Variants in AHCTF1 observed in about 807,000 individuals in gnomAD.
AHCTF1 encodes AT-hook containing transcription factor 1, also known as protein ELYS.
Under a neutral mutation model 248.4 loss-of-function variants are expected in AHCTF1, and 24 were observed. That is an observed-to-expected ratio of 0.10 (90% confidence interval 0.07 to 0.14). The LOEUF is 0.14. AHCTF1 is among the 10% of genes least tolerant of loss of function. The pLI is 1.00. For synonymous variants in AHCTF1, 786 were observed against 929.8 expected, an observed-to-expected ratio of 0.85 and a Z score of 2.81; for missense variants, 2,206 against 2,636.2, an observed-to-expected ratio of 0.84 and a Z score of 3.57.
Position 246,931,606 on chromosome 1 carries a change from C to G in AHCTF1, c.-36G>C, listed in dbSNP as rs889566436. ...AACGGGGCGGGTGAGCGCGCCGCCG[C>G]GGGCCGAGTCCACCGGGTCGCCAGG... On this transcript the variant is annotated 5_prime_UTR_variant, in exon 1 of 36. Transcript: ENST00000648844. 3.1e-5 allele frequency: 5 copies of G among 163,922 alleles called. No homozygotes were observed. The highest frequency in any genetic ancestry group is 1.2e-4 in the African/African-American group (5 of 41,470). 10.2% of individuals were successfully genotyped at this position (163,922 alleles called of 1,614,324 possible). A position where few individuals can be genotyped will look rare whatever the true frequency, so the allele number is the denominator to read the frequency against.
chr1:246,914,020 C>T, intron 3 of AHCTF1, among the ~76,000 whole-genome samples: 1 of 152,194 alleles, frequency 6.6e-6, no homozygotes, highest in East Asian at 1.9e-4. Context: ...AAAGCTCTGG[C>T]AGTCACTGGA....
chr1:246,852,819 T>C (rs1157001353), intron 32 of AHCTF1, among the ~76,000 whole-genome samples: 1 of 152,118 alleles, frequency 6.6e-6, no homozygotes, highest in Non-Finnish European at 1.5e-5. Flanking sequence ...CTCAAACTCT[T>C]GGGCTCAAGG....
intron 4 of AHCTF1, 39 bp from the exon 5 acceptor site, chr1:246,907,797 G>GA: frequency 6.4e-6 from 10 of 1,558,394 alleles, no homozygotes; most frequent in Non-Finnish European, 8.8e-6. Context: ...TAAAAAACTA[G>GA]AAACAGCATT....
chr1:246,931,574 C>G lies in AHCTF1; in HGVS notation c.-8+4G>C. The G allele has an allele frequency of 5.1e-6, 1 of 196,430 alleles. No homozygotes were observed. Among genetic ancestry groups the G allele is most frequent in the Non-Finnish European group, 9.2e-6 (1 of 108,488 alleles). 12.2% of individuals were successfully genotyped at this position (196,430 alleles called of 1,614,324 possible). A position where few individuals can be genotyped will look rare whatever the true frequency, so the allele number is the denominator to read the frequency against. On this transcript the variant is annotated splice_donor_region_variant and intron_variant, in intron 1 of 35. Coordinates refer to ENST00000648844, the MANE Select transcript of AHCTF1 (RefSeq NM_001323342.2). ...GCCCAACCCCCTCCCTCCCTTCCCC[C>G]TACCTGAACGGGGCGGGTGAGCGCG...
At position 246,898,309 on chromosome 1, in the gene AHCTF1, G is replaced by T. The variant is rs1257973500; in HGVS notation, c.1522C>A (p.Pro508Thr). 6.2e-7 allele frequency: 1 copy of T among 1,613,294 alleles called. No homozygotes were observed. Among genetic ancestry groups the T allele is most frequent in the South Asian group, 1.1e-5 (1 of 91,002 alleles). Residue 508 changes from proline to threonine, a missense_variant, in exon 12 of 36, where the codon CCA becomes ACA. Pro to Thr is a conservative substitution (Grantham distance 38). Around this residue, in one of 6 missense-constraint regions of AHCTF1, gnomAD observed 650 missense variants for 870.8 expected, o/e 0.75. Transcript: ENST00000648844. ...TCAGGAATGAGTTCATTGAGTGATG[G>T]ACCTGATTTCTTTAAAAAAGTCAAA... ...ETLTFLKKSG[P>T]SLNELIPDGY...
intron 8 of AHCTF1, among the ~76,000 whole-genome samples, chr1:246,901,317 G>C (rs75856586): frequency 0.048 from 7,267 of 151,774 alleles, 598 homozygotes; most frequent in African/African-American, 0.17. Context: ...CTCCAGCCTG[G>C]GCGACAGTGA....
intron 8 of AHCTF1, 128 bp from the exon 9 acceptor site, chr1:246,900,597 A>C: frequency 1.0e-6 from 1 of 1,001,908 alleles, no homozygotes. Flanking sequence ...ATTCATCAAA[A>C]CGCATTTCTA....
At chr1:246,870,998 T>C (rs959270735) in intron 24 of AHCTF1, among the ~76,000 whole-genome samples, 11 of 152,132 alleles carry the variant, frequency 7.2e-5, no homozygotes, top group African/African-American at 2.7e-4. Flanking sequence ...AAACAAAAAG[T>C]GACTGCGCTC....
chr1:246,851,809 C>A (rs529368565), intron 32 of AHCTF1: 1 of 181,934 alleles, frequency 5.5e-6, no homozygotes, highest in Non-Finnish European at 1.2e-5. Flanking sequence ...GAAACAACCC[C>A]CAAACTGTGT....
intron 33 of AHCTF1, among the ~76,000 whole-genome samples, chr1:246,845,617 A>C (rs1030075008): frequency 1.3e-5 from 2 of 152,236 alleles, no homozygotes; most frequent in Admixed American, 1.3e-4. Flanking sequence ...CAAATATATA[A>C]GGAAATACAA....
intron 21 of AHCTF1, among the ~76,000 whole-genome samples, chr1:246,878,375 A>G (rs1298846507): frequency 1.2e-4 from 17 of 137,138 alleles, no homozygotes; most frequent in African/African-American, 4.8e-4. Flanking sequence ...CCAGCCTGGC[A>G]GACAGAGCAA....
rs2996552 is a variant in AHCTF1 at position 246,839,392 on chromosome 1, T to C, written c.*1414A>G. 2.5e-3 allele frequency: 668 copies of C among 262,970 alleles called. 7 individuals carry two copies. Among genetic ancestry groups the C allele is most frequent in the African/African-American group, 0.015 (632 of 43,282 alleles). 16.3% of individuals were successfully genotyped at this position (262,970 alleles called of 1,614,324 possible). On this transcript the variant is annotated 3_prime_UTR_variant, in exon 36 of 36. Transcript: ENST00000648844. The stretch of plus-strand genomic sequence containing the variant: ...AATTATGTTTAGCTCTTTATTCATT[T>C]AACAAGTTCATTTAAATAAGTTCAA...
chr1:246,878,323 G>C (rs1663127710), intron 21 of AHCTF1, among the ~76,000 whole-genome samples: 1 of 144,818 alleles, frequency 6.9e-6, no homozygotes, highest in East Asian at 2.1e-4. Context: ...CTTGATCCTA[G>C]GAGGTCAAGG....
chr1:246,899,463 G>A lies in AHCTF1; in HGVS notation c.1482C>T (p.Gly494=). 6.2e-7 allele frequency: 1 copy of A among 1,606,966 alleles called. No individual in the cohort carries two copies. ...NSGVVHLTCT[G]FQKETLTFLK... ...AGTTGTTACCTACCTCCTTCTGAAA[G>A]CCAGTACAAGTTAAATGAACAACTC... is the stretch of plus-strand genomic sequence containing the variant. The change falls in exon 11 of 36, where the codon GGC becomes GGT. Residue 494 remains glycine (G), a synonymous_variant. Coordinates refer to ENST00000648844, the MANE Select transcript of AHCTF1 (RefSeq NM_001323342.2).
At chr1:246,847,998 C>T (rs1478395265) in intron 33 of AHCTF1, among the ~76,000 whole-genome samples, 2 of 152,158 alleles carry the variant, frequency 1.3e-5, no homozygotes, top group African/African-American at 4.8e-5. Context: ...CACATTCTGT[C>T]ATTTCATTCT....
At chr1:246,878,743 C>A (rs74824937) in intron 21 of AHCTF1, among the ~76,000 whole-genome samples, 3 of 152,314 alleles carry the variant, frequency 2.0e-5, no homozygotes, top group Non-Finnish European at 2.9e-5. Flanking sequence ...ATGGTACCCA[C>A]TGTTGGCAGA....
intron 1 of AHCTF1, among the ~76,000 whole-genome samples, chr1:246,923,319 G>A (rs1666708976): frequency 6.6e-6 from 1 of 151,988 alleles, no homozygotes; most frequent in Non-Finnish European, 1.5e-5. Flanking sequence ...GGAGGCTGAG[G>A]CATGAGAACT....
At chr1:246,865,910 G>A (rs12121733) in intron 26 of AHCTF1, among the ~76,000 whole-genome samples, 1 of 151,772 alleles carries the variant, frequency 6.6e-6, no homozygotes, top group South Asian at 2.1e-4. Flanking sequence ...ATCTATAGTG[G>A]TATTTAAAAA....
chr1:246,852,355 TTC>T, intron 32 of AHCTF1, among the ~76,000 whole-genome samples: 1 of 94,482 alleles, frequency 1.1e-5, no homozygotes, highest in South Asian at 3.7e-4. Flanking sequence ...CTAAACAAAT[TTC>T]TATAAATAAT....
Sources: gnomAD v4.1 joint callset for allele counts (sites outside exome capture counted in the v4.1 genomes callset) on GRCh38, gnomAD v4.1.1 for gene constraint, gnomAD v4.1.1 regional missense constraint, MANE v1.5 for transcripts, NCBI Gene and HGNC (gene_info 2026-07-23, HGNC 2026-07-21) for gene names.